The following CACNG4 variants were observed in gnomAD, a reference collection of about 807,000 sequenced individuals.
CACNG4 encodes the protein voltage-dependent calcium channel gamma-4 subunit.
Under a neutral mutation model 22.9 loss-of-function variants are expected in CACNG4, and 8 were observed. The ratio of observed to expected loss-of-function variants is 0.35; its 90% CI spans 0.21 to 0.63. CACNG4 has a LOEUF of 0.63. CACNG4 is among the 30% of genes least tolerant of loss of function. CACNG4 has a pLI of 0.72. For synonymous variants in CACNG4, 188 were observed against 191.9 expected (o/e 0.98, Z 0.17); for missense variants, 357 against 455.4 (o/e 0.78, Z 1.97).
rs367672493 is a variant in CACNG4 at position 66,977,776 on chromosome 17, C to T, written c.220+12645C>T. 1.5e-4 allele frequency among the ~76,000 whole-genome samples: 23 copies of T among 152,278 alleles called. 1 individual carries two copies. In the South Asian group the frequency reaches 3.9e-3, roughly 26 times the overall value. On this transcript the variant is annotated intron_variant, in intron 1 of 3. Transcript: ENST00000262138. ...AGAGCAGAATTACTTAAAACTGTGT[C>T]GTCCTTAGGTGTTTGTGGGGCACCT... is the stretch of plus-strand genomic sequence containing the variant.
chr17:67,025,364 G>A (rs901042492), intron 3 of CACNG4, among the ~76,000 whole-genome samples: 5 of 152,264 alleles, frequency 3.3e-5, no homozygotes, highest in African/African-American at 1.2e-4. Flanking sequence ...GGGTTCAGCT[G>A]GCAGTTTTAC....
intron 1 of CACNG4, among the ~76,000 whole-genome samples, chr17:66,979,721 C>T (rs570982048): frequency 1.1e-4 from 17 of 148,976 alleles, no homozygotes; most frequent in African/African-American, 3.5e-4. Context: ...CGATTTGACA[C>T]GGCCGGTGTT....
intron 1 of CACNG4, among the ~76,000 whole-genome samples, chr17:67,013,967 A>G (rs2035482426): frequency 6.6e-6 from 1 of 152,216 alleles, no homozygotes; most frequent in Admixed American, 6.5e-5. Context: ...AGAATCTTCA[A>G]GCAGGACCGT....
intron 1 of CACNG4, among the ~76,000 whole-genome samples, chr17:67,005,150 C>T (rs1282520071): frequency 1.3e-5 from 2 of 152,214 alleles, no homozygotes; most frequent in Admixed American, 6.5e-5. Flanking sequence ...CACTCAAGAA[C>T]ACCATTTTAA....
chr17:67,004,797 C>T (rs1459944976), intron 1 of CACNG4, among the ~76,000 whole-genome samples: 2 of 152,150 alleles, frequency 1.3e-5, no homozygotes, highest in African/African-American at 4.8e-5. Context: ...GATCTCAGCT[C>T]ACTACAGCCT....
chr17:67,016,628 G>A (rs1298607241), intron 1 of CACNG4, among the ~76,000 whole-genome samples: 3 of 152,210 alleles, frequency 2.0e-5, no homozygotes, highest in Non-Finnish European at 2.9e-5. Flanking sequence ...GCCGCTGCAG[G>A]AAAGGAATTG....
chr17:66,982,799 T>A (rs1253151553), intron 1 of CACNG4, among the ~76,000 whole-genome samples: 3 of 152,180 alleles, frequency 2.0e-5, no homozygotes, highest in Non-Finnish European at 4.4e-5. Context: ...CAAGCGATCC[T>A]CCTGCTTCAG....
At chr17:67,013,908 A>T (rs2035481947) in intron 1 of CACNG4, among the ~76,000 whole-genome samples, 1 of 152,228 alleles carries the variant, frequency 6.6e-6, no homozygotes, top group South Asian at 2.1e-4. Flanking sequence ...ATGAAGGGGC[A>T]TGCACACCTG....
rs1203728391 is a variant in CACNG4, at chr17:66,984,241, C to T, written c.220+19110C>T. Among the ~76,000 whole-genome samples, 1 of 152,102 alleles carries T rather than the reference C, an allele frequency of 6.6e-6. No homozygotes were observed. Among genetic ancestry groups the T allele is most frequent in the Non-Finnish European group, 1.5e-5 (1 of 68,022 alleles). On this transcript the variant is annotated intron_variant, in intron 1 of 3. Transcript: ENST00000262138. This position sits in a 1 kb window ranked among gnomAD's most constrained non-coding sequence, Gnocchi z 4.0. ...AACAACAAAAAATTAATTAGCTGGA[C>T]ATGGTGGTGCACACCTTTAGCCCTA... is the stretch of plus-strand genomic sequence containing the variant.
At chr17:66,971,761 G>A (rs984365913) in intron 1 of CACNG4, among the ~76,000 whole-genome samples, 37 of 152,178 alleles carry the variant, frequency 2.4e-4, no homozygotes, top group South Asian at 2.1e-4. Context: ...GAGGGAACCT[G>A]GTGAGGATGG....
intron 2 of CACNG4, among the ~76,000 whole-genome samples, chr17:67,022,693 C>T (rs1224560837): frequency 3.9e-5 from 6 of 152,234 alleles, no homozygotes; most frequent in African/African-American, 9.7e-5. Context: ...CAGTGCGGCC[C>T]GACTCACTGT....
At chr17:66,995,586 T>C (rs534435941) in intron 1 of CACNG4, among the ~76,000 whole-genome samples, 1 of 152,242 alleles carries the variant, frequency 6.6e-6, no homozygotes, top group East Asian at 1.9e-4. Context: ...GCGCAGGGGC[T>C]CACCCCTGTA....
intron 2 of CACNG4, chr17:67,019,955 G>A (rs1402620655): frequency 6.6e-6 from 1 of 152,294 alleles, no homozygotes; most frequent in Non-Finnish European, 1.5e-5. Flanking sequence ...GTTTACGGAA[G>A]GACTATTTAC....
intron 1 of CACNG4, among the ~76,000 whole-genome samples, chr17:66,975,308 C>A (rs895436173): frequency 1.8e-4 from 27 of 152,160 alleles, no homozygotes; most frequent in African/African-American, 5.1e-4. Context: ...CCAGCTCCCC[C>A]TTTCCTCCCC....
intron 1 of CACNG4, among the ~76,000 whole-genome samples, chr17:66,973,909 CG>C (rs1343999986): frequency 9.2e-5 from 14 of 152,176 alleles, no homozygotes; most frequent in African/African-American, 3.4e-4. Context: ...AAGTGCTGCG[CG>C]AGACTCTCTT....
chr17:67,010,414 G>A (rs897229091), intron 1 of CACNG4, among the ~76,000 whole-genome samples: 1 of 152,158 alleles, frequency 6.6e-6, no homozygotes, highest in African/African-American at 2.4e-5. Context: ...CTTGGTGTAC[G>A]AAGTAGGGGC....
intron 1 of CACNG4, among the ~76,000 whole-genome samples, 173 bp downstream of exon 1, chr17:66,965,304 A>G (rs1256737491): frequency 6.8e-6 from 1 of 146,494 alleles, no homozygotes; most frequent in Non-Finnish European, 1.5e-5. Flanking sequence ...AAGGAGCCGG[A>G]GCTGGCGGGC....
At chr17:66,977,580 A>T (rs1001015538) in intron 1 of CACNG4, among the ~76,000 whole-genome samples, 6 of 152,150 alleles carry the variant, frequency 3.9e-5, no homozygotes, top group African/African-American at 1.2e-4. Flanking sequence ...CCCCTCCCCC[A>T]TCTCATCAGA....
chr17:66,979,448 A>G (rs1358702315), intron 1 of CACNG4, among the ~76,000 whole-genome samples: 2 of 152,214 alleles, frequency 1.3e-5, no homozygotes, highest in Non-Finnish European at 1.5e-5. Flanking sequence ...TGAGCCAAAA[A>G]CCCACAGATG....
Sources: allele counts gnomAD v4.1 joint callset (sites outside exome capture counted in the v4.1 genomes callset), GRCh38; gene constraint gnomAD v4.1.1; non-coding constraint Gnocchi (gnomAD v3.1); transcripts MANE v1.5; gene names NCBI Gene and HGNC (gene_info 2026-07-23, HGNC 2026-07-21).